ABCA12: variants seen among roughly 807,000 people sequenced by gnomAD.
The protein encoded by ABCA12 is ATP binding cassette subfamily A member 12.
In ABCA12, 156 loss-of-function variants were observed where a neutral mutation model predicts 293.5. The observed-to-expected ratio is 0.53, with a 90% CI of 0.47 to 0.61. The LOEUF (loss-of-function observed/expected upper bound fraction) is 0.61, where lower values mean the gene tolerates loss of function less well. ABCA12 is among the 20% of genes least tolerant of loss of function. The pLI is 0.00. For missense variants in ABCA12, 2,797 were observed against 3,090.2 expected (o/e 0.91, Z 2.25); for synonymous variants, 1,063 against 1,108.0 (o/e 0.96, Z 0.81).
At chr2:215,089,946 C>G (rs1417542706) in intron 2 of ABCA12, among the ~76,000 whole-genome samples, 3 of 152,278 alleles carry the variant, frequency 2.0e-5, no homozygotes, top group African/African-American at 7.2e-5. Flanking sequence ...ATGTGTCAGG[C>G]CTCTGAGCCC....
At chr2:214,969,968 T>C (rs761177123) in intron 37 of ABCA12, among the ~76,000 whole-genome samples, 8 of 152,046 alleles carry the variant, frequency 5.3e-5, no homozygotes, top group Non-Finnish European at 1.2e-4. Flanking sequence ...AGTCATGCCT[T>C]AAACCTCTCC....
intron 7 of ABCA12, among the ~76,000 whole-genome samples, chr2:215,042,053 G>C (rs1362606793): frequency 6.6e-6 from 1 of 152,148 alleles, no homozygotes; most frequent in Non-Finnish European, 1.5e-5. Context: ...TAATGAACAG[G>C]CATGGAGTTT....
At position 214,969,316 on chromosome 2, in the gene ABCA12, CT is replaced by C. The variant is rs539813879; in HGVS notation, c.5691-510del. On this transcript the variant is annotated intron_variant, in intron 37 of 52. Transcript: ENST00000272895. Reference sequence around the variant, plus strand: ...GGGTCTTGTCAATTCATGTCAACTGCTTGTCAATTCATGGTATAAAAACGAA... The same window carrying C: ...GGGTCTTGTCAATTCATGTCAACTGCTGTCAATTCATGGTATAAAAACGAA... 3.9e-5 allele frequency among the ~76,000 whole-genome samples: 6 copies of C among 152,070 alleles called. No individual in the cohort carries two copies. The South Asian group carries it at 1.2e-3, about 32-fold the overall frequency.
chr2:215,054,473 C>T (rs1701381658), intron 4 of ABCA12, 100 bp downstream of exon 4: 1 of 1,052,738 alleles, frequency 9.5e-7, no homozygotes, highest in South Asian at 1.3e-5. Context: ...TCTAAGCATT[C>T]CTTCTTTGTT....
intron 44 of ABCA12, among the ~76,000 whole-genome samples, chr2:214,952,909 A>C (rs1698824821): frequency 6.6e-6 from 1 of 151,998 alleles, no homozygotes; most frequent in South Asian, 2.1e-4. Flanking sequence ...ATTTCCTCTC[A>C]TTGTTTACTT....
intron 40 of ABCA12, among the ~76,000 whole-genome samples, 191 bp downstream of exon 40, chr2:214,958,833 C>T (rs1439527713): frequency 1.3e-5 from 2 of 152,132 alleles, no homozygotes; most frequent in Non-Finnish European, 2.9e-5. Context: ...AGTCTACAGT[C>T]AACAAGCTCT....
intron 2 of ABCA12, among the ~76,000 whole-genome samples, chr2:215,107,052 A>G (rs1702477520): frequency 6.6e-6 from 1 of 152,208 alleles, no homozygotes; most frequent in African/African-American, 2.4e-5. Flanking sequence ...TTTTAGAGGT[A>G]TTTAGGGAAC....
chr2:214,988,163 G>T (rs1699828438), intron 26 of ABCA12, among the ~76,000 whole-genome samples: 1 of 152,104 alleles, frequency 6.6e-6, no homozygotes, highest in Admixed American at 6.5e-5. Context: ...CCCCACAAGG[G>T]TCCAAACAGA....
chr2:215,007,942 A>G, intron 18 of ABCA12, 96 bp from the exon 19 acceptor site: 1 of 1,496,366 alleles, frequency 6.7e-7, no homozygotes, highest in Non-Finnish European at 9.2e-7. Context: ...TAACTTCAAA[A>G]GACAGTTCTA....
chr2:215,066,146 A>G (rs559276051), intron 2 of ABCA12, among the ~76,000 whole-genome samples: 1 of 152,176 alleles, frequency 6.6e-6, no homozygotes, highest in Non-Finnish European at 1.5e-5. Flanking sequence ...TGAACTGCAT[A>G]TGGCAAGACC....
chr2:214,958,243 T>G, intron 41 of ABCA12, 34 bp downstream of exon 41: 1 of 1,613,258 alleles, frequency 6.2e-7, no homozygotes, highest in African/African-American at 1.3e-5. Context: ...AATTGATCTT[T>G]TATTCCCTGC....
chr2:214,979,926 G>A (rs1373811587), intron 31 of ABCA12, among the ~76,000 whole-genome samples: 3 of 152,166 alleles, frequency 2.0e-5, no homozygotes, highest in Non-Finnish European at 2.9e-5. Flanking sequence ...GTTAGGTGGT[G>A]CAGGGATCTT....
In ABCA12 at chr2:215,000,774, G is replaced by T. The variant is rs753308259; in HGVS notation, c.3110C>A (p.Thr1037Asn). The T allele has an allele frequency of 1.9e-6, 3 of 1,613,970 alleles. No homozygotes were observed. Among genetic ancestry groups the T allele is most frequent in the Non-Finnish European group, 2.5e-6 (3 of 1,179,986 alleles). ...TGCTATTTCCTGGGAGTTCCTTCCAGTTTGCAATTCAATGATTGCTCTTTC... is the reference window on the plus strand; with the variant it reads ...TGCTATTTCCTGGGAGTTCCTTCCATTTTGCAATTCAATGATTGCTCTTTC... ...SIERAIIELQ[T>N]GRNSQEIAVQ... The change falls in exon 22 of 53, where the codon ACT becomes AAT. Residue 1037 changes from threonine (T) to asparagine (N), a missense_variant. Physicochemically the swap from Thr to Asn is moderately conservative, Grantham distance 65 (BLOSUM62 0). Transcript: ENST00000272895.
chr2:214,943,948 T>G (rs927394256), intron 49 of ABCA12, among the ~76,000 whole-genome samples: 1 of 152,194 alleles, frequency 6.6e-6, no homozygotes, highest in Non-Finnish European at 1.5e-5. Flanking sequence ...AATGCAAACA[T>G]AAACTTAATA....
chr2:215,007,456 G>A (rs1307608553), intron 19 of ABCA12, among the ~76,000 whole-genome samples: 2 of 152,174 alleles, frequency 1.3e-5, no homozygotes, highest in East Asian at 1.9e-4. Flanking sequence ...TTGAAAAACT[G>A]ATTTACATCA....
At chr2:214,980,671 G>C in intron 30 of ABCA12, 28 bp from the exon 31 acceptor site, 1 of 1,613,788 alleles carries the variant, frequency 6.2e-7, no homozygotes, top group Non-Finnish European at 8.5e-7. Flanking sequence ...GAACAACAGG[G>C]AATGAAACGT....
Position 214,983,874 on chromosome 2 carries a change from G to GAA in ABCA12, c.4164-11_4164-10dup. The GAA allele has an allele frequency of 6.2e-7, 1 of 1,611,916 alleles. No homozygotes were observed. Reference sequence around the variant, plus strand: ...GCCCAGTTAACATGGAACTGGAAATGAAGAAATGATAAATTAGGTATAAGC... The same window carrying GAA: ...GCCCAGTTAACATGGAACTGGAAATGAAAAGAAATGATAAATTAGGTATAAGC... On this transcript the variant is annotated splice_polypyrimidine_tract_variant and intron_variant, in intron 28 of 52. Coordinates refer to ENST00000272895, the MANE Select transcript of ABCA12 (RefSeq NM_173076.3).
At chr2:215,026,035 AACTG>A (rs1162584487) in intron 10 of ABCA12, among the ~76,000 whole-genome samples, 2 of 152,216 alleles carry the variant, frequency 1.3e-5, no homozygotes, top group Admixed American at 6.5e-5. Flanking sequence ...GCTCTTTGTG[AACTG>A]ACTATGCTTT....
At chr2:215,034,486 G>A (rs1700949114) in intron 8 of ABCA12, among the ~76,000 whole-genome samples, 1 of 152,224 alleles carries the variant, frequency 6.6e-6, no homozygotes. Context: ...TGGATGGGGA[G>A]CCAAGCTCCA....
Sources: allele counts gnomAD v4.1 joint callset (sites outside exome capture counted in the v4.1 genomes callset), GRCh38; gene constraint gnomAD v4.1.1; transcripts MANE v1.5; gene names NCBI Gene and HGNC (gene_info 2026-07-23, HGNC 2026-07-21).